The following GNAS variants were observed in gnomAD, a reference collection of about 807,000 sequenced individuals.
The protein encoded by GNAS is protein ALEX.
GNAS carries 8 observed loss-of-function variants against 54.5 expected under a neutral mutation model. The ratio of observed to expected loss-of-function variants is 0.15; its 90% confidence interval spans 0.09 to 0.26. The LOEUF is 0.26. Among genes scored for constraint, GNAS ranks in the 10% least tolerant of loss-of-function variants. The pLI is 1.00. For missense variants in GNAS, 170 were observed against 529.8 expected, an observed-to-expected ratio of 0.32 and a Z score of 6.67; for synonymous variants, 204 against 191.4, an observed-to-expected ratio of 1.07 and a Z score of -0.54.
At chr20:58,864,341 T>G (rs193248240) in intron 1 of GNAS, among the ~76,000 whole-genome samples, 23 of 152,216 alleles carry the variant, frequency 1.5e-4, no homozygotes, top group East Asian at 1.2e-3. Flanking sequence ...TCGATTTTTT[T>G]GGGGGGGCCT....
intron 2 of GNAS, chr20:58,897,587 A>G (rs1185218646): frequency 6.6e-6 from 1 of 152,220 alleles, no homozygotes; most frequent in Non-Finnish European, 1.5e-5. Context: ...AAATTTTTAT[A>G]GAAAGGATTC....
chr20:58,875,473 G>A (rs1447465773), intron 1 of GNAS, among the ~76,000 whole-genome samples: 17 of 152,182 alleles, frequency 1.1e-4, no homozygotes. Flanking sequence ...GCATTGGGGG[G>A]AACAGGGGAG....
chr20:58,894,548 G>T (rs765312545), intron 1 of GNAS, among the ~76,000 whole-genome samples: 3 of 152,116 alleles, frequency 2.0e-5, no homozygotes, highest in Admixed American at 1.3e-4. Context: ...TGTGTGGAAG[G>T]AGGGCAAAAA....
At chr20:58,866,425 T>C (rs1359580852) in intron 1 of GNAS, among the ~76,000 whole-genome samples, 1 of 152,222 alleles carries the variant, frequency 6.6e-6, no homozygotes, top group Non-Finnish European at 1.5e-5. Context: ...GCTTGGTCTC[T>C]GATAAAGTGG....
At chr20:58,845,263 G>GA (rs1308472885) in intron 1 of GNAS, among the ~76,000 whole-genome samples, 7 of 152,212 alleles carry the variant, frequency 4.6e-5, no homozygotes, top group South Asian at 2.1e-4. Flanking sequence ...AGCTAGACCT[G>GA]AAAAAAATGG....
At position 58,891,564 on chromosome 20, in the gene GNAS, G is replaced by GCGGCCCGCGGCCCGCAGTC. The variant is rs1378732770; in HGVS notation, c.-160_-142dup. 511 of 969,046 alleles carry GCGGCCCGCGGCCCGCAGTC rather than the reference G, an allele frequency of 5.3e-4. No individual in the cohort carries two copies. The African/African-American group carries it at 8.5e-3, about 16-fold the overall frequency. The allele number at this position is 969,046 out of a possible 1,614,324, so 60.0% of individuals were successfully genotyped here. Reference sequence around the variant, plus strand: ...CCCTTCCCGCCCGTCCGCGCGCCCCGCGGCCCGCGGCCCGCAGTCCGCCCC... The same window carrying GCGGCCCGCGGCCCGCAGTC: ...CCCTTCCCGCCCGTCCGCGCGCCCCGCGGCCCGCGGCCCGCAGTCCGGCCCGCGGCCCGCAGTCCGCCCC... On this transcript the variant is annotated 5_prime_UTR_variant, in exon 1 of 13. Coordinates refer to ENST00000371085, the MANE Select transcript of GNAS (RefSeq NM_000516.7).
upstream of GNAS, chr20:58,840,496 G>A (rs1345403266): frequency 6.2e-7 from 1 of 1,613,276 alleles, no homozygotes; most frequent in Non-Finnish European, 8.5e-7. The surrounding 1 kb of genome is among the most constrained non-coding windows in gnomAD (Gnocchi z 6.0). Context: ...CCGAGCCTGA[G>A]ACCGCCCCCA....
chr20:58,862,812 C>G (rs1335382649), intron 1 of GNAS, among the ~76,000 whole-genome samples: 7 of 151,786 alleles, frequency 4.6e-5, no homozygotes, highest in African/African-American at 1.7e-4. Flanking sequence ...AGATAACTTA[C>G]TTTTTGACTT....
intron 3 of GNAS, among the ~76,000 whole-genome samples, chr20:58,902,172 C>T (rs374762632): frequency 1.3e-5 from 2 of 152,104 alleles, no homozygotes; most frequent in Non-Finnish European, 1.5e-5. Context: ...GACCGTAGCA[C>T]CTTTTTTCCG....
chr20:58,854,165 CT>C, intron 1 of GNAS: 2 of 1,612,806 alleles, frequency 1.2e-6, no homozygotes, highest in South Asian at 2.2e-5. Flanking sequence ...GCAGCAGCCC[CT>C]GGATGGAGAT....
At chr20:58,886,785 G>A (rs1261645759), upstream of GNAS, among the ~76,000 whole-genome samples, 1 of 152,196 alleles carries the variant, frequency 6.6e-6, no homozygotes, top group Non-Finnish European at 1.5e-5. Flanking sequence ...AAACCAGCTT[G>A]TGTTTCAGCA....
Position 58,841,829 on chromosome 20 carries a change from T to C in GNAS, c.43+943T>C, listed in dbSNP as rs1304129028. 1 of 1,230,864 alleles carries C rather than the reference T, an allele frequency of 8.1e-7. No homozygotes were observed. Among genetic ancestry groups the C allele is most frequent in the Non-Finnish European group, 1.0e-6 (1 of 987,938 alleles). The allele number at this position is 1,230,864 out of a possible 1,614,324, so 76.2% of individuals were successfully genotyped here. The stretch of plus-strand genomic sequence containing the variant: ...GCTTAGCAGGAGACGTCCTGGGCTG[T>C]TTGCGCAGGACCTCTGGAGGCCCTC... On this transcript the variant is annotated intron_variant, in intron 1 of 12. Transcript: ENST00000306090. The surrounding 1 kb of genome is among the most constrained non-coding windows in gnomAD (Gnocchi z 5.0).
chr20:58,849,242 C>T (rs1218439008), intron 1 of GNAS, among the ~76,000 whole-genome samples: 1 of 152,128 alleles, frequency 6.6e-6, no homozygotes, highest in Non-Finnish European at 1.5e-5. Flanking sequence ...CCAAATACCA[C>T]CAGTGCAGAG....
intron 1 of GNAS, among the ~76,000 whole-genome samples, chr20:58,865,007 G>A (rs2086973300): frequency 6.6e-6 from 1 of 151,716 alleles, no homozygotes; most frequent in South Asian, 2.1e-4. Flanking sequence ...AACCAAAACT[G>A]TTTCTAGTCA....
At chr20:58,855,512 G>T in intron 1 of GNAS, 2 of 732,234 alleles carry the variant, frequency 2.7e-6, no homozygotes, top group South Asian at 2.9e-5. Flanking sequence ...AGCGGGAGGG[G>T]ATCTTTGGTG....
At chr20:58,871,157 TCC>T (rs2087420580) in intron 1 of GNAS, among the ~76,000 whole-genome samples, 2 of 152,186 alleles carry the variant, frequency 1.3e-5, no homozygotes, top group African/African-American at 2.4e-5. Flanking sequence ...GAATTGAGGT[TCC>T]CTCCCTTTGT....
chr20:58,898,002 C>G (rs1000299927), intron 2 of GNAS: 8 of 152,190 alleles, frequency 5.3e-5, no homozygotes, highest in Admixed American at 2.0e-4. Flanking sequence ...TGCGGGCTGC[C>G]ATGCTGATTA....
intron 1 of GNAS, among the ~76,000 whole-genome samples, chr20:58,878,923 G>C (rs2088031647): frequency 7.1e-6 from 1 of 141,346 alleles, no homozygotes; most frequent in African/African-American, 2.7e-5. Context: ...GGGGGGGGGA[G>C]GGAGACAAAT....
intron 1 of GNAS, among the ~76,000 whole-genome samples, chr20:58,883,859 G>T (rs1227914707): frequency 6.6e-6 from 1 of 152,202 alleles, no homozygotes; most frequent in East Asian, 1.9e-4. Context: ...TGCCCCGATG[G>T]TTAGTTCCCC....
Sources: gnomAD v4.1 joint callset for allele counts (sites outside exome capture counted in the v4.1 genomes callset) on GRCh38, gnomAD v4.1.1 for gene constraint, Gnocchi (gnomAD v3.1) non-coding constraint, MANE v1.5 for transcripts, NCBI Gene and HGNC (gene_info 2026-07-23, HGNC 2026-07-21) for gene names.